NAV2: variants seen among roughly 807,000 people sequenced by gnomAD.
NAV2 encodes the protein helicase, APC down-regulated 1.
A neutral mutation model predicts 223.2 loss-of-function variants in NAV2; 54 were observed. The observed-to-expected ratio is 0.24, with a 90% confidence interval of 0.19 to 0.30. The LOEUF is 0.30. Among genes scored for constraint, NAV2 ranks in the 10% least tolerant of loss-of-function variants. The pLI is 1.00. For missense variants in NAV2, 2,806 were observed against 3,147.5 expected, an observed-to-expected ratio of 0.89 and a Z score of 2.60; for synonymous variants, 1,279 against 1,239.3, an observed-to-expected ratio of 1.03 and a Z score of -0.67.
intron 6 of NAV2, among the ~76,000 whole-genome samples, chr11:19,908,551 T>C (rs1463416780): frequency 6.6e-6 from 1 of 152,232 alleles, no homozygotes; most frequent in Non-Finnish European, 1.5e-5. Context: ...CTGTCTAATA[T>C]GGTAGCCACT....
chr11:19,659,117 G>A (rs2048205100), intron 1 of NAV2, among the ~76,000 whole-genome samples: 1 of 152,188 alleles, frequency 6.6e-6, no homozygotes, highest in Non-Finnish European at 1.5e-5. Flanking sequence ...AAATTTAAGT[G>A]TACAATTTCA....
chr11:19,587,582 A>G (rs1379959904), intron 1 of NAV2, among the ~76,000 whole-genome samples: 1 of 152,200 alleles, frequency 6.6e-6, no homozygotes, highest in African/African-American at 2.4e-5. Flanking sequence ...TGGTCCTCAT[A>G]GAAAACTCTT....
At chr11:19,706,937 T>A (rs925610167) in intron 1 of NAV2, among the ~76,000 whole-genome samples, 1 of 152,244 alleles carries the variant, frequency 6.6e-6, no homozygotes, top group African/African-American at 2.4e-5. Context: ...TACAAGCCTG[T>A]ATAGCATGTT....
At chr11:19,596,867 G>A (rs1274424777) in intron 1 of NAV2, among the ~76,000 whole-genome samples, 5 of 152,192 alleles carry the variant, frequency 3.3e-5, no homozygotes, top group Admixed American at 6.5e-5. Flanking sequence ...CAGGCTGTTC[G>A]TCTTTACGGC....
At chr11:19,771,850 G>A (rs2055745300) in intron 1 of NAV2, among the ~76,000 whole-genome samples, 1 of 152,132 alleles carries the variant, frequency 6.6e-6, no homozygotes, top group South Asian at 2.1e-4. Flanking sequence ...GTGACATTGT[G>A]TTTGCCCTCC....
chr11:19,457,314 G>A (rs1276879458), intron 1 of NAV2, among the ~76,000 whole-genome samples: 3 of 152,232 alleles, frequency 2.0e-5, no homozygotes, highest in Non-Finnish European at 1.5e-5. Flanking sequence ...TGGGTGGTCA[G>A]GGAACACATC....
chr11:19,516,180 C>T (rs1233815803), intron 1 of NAV2, among the ~76,000 whole-genome samples: 1 of 152,138 alleles, frequency 6.6e-6, no homozygotes, highest in African/African-American at 2.4e-5. Context: ...TAAGGGACTC[C>T]AAGAGCTGCA....
intron 1 of NAV2, among the ~76,000 whole-genome samples, chr11:19,369,086 C>T (rs940727197): frequency 7.2e-5 from 11 of 152,188 alleles, no homozygotes; most frequent in Non-Finnish European, 1.6e-4. Context: ...ATAGCAGAGC[C>T]GAGCTTCCTA....
intron 1 of NAV2, among the ~76,000 whole-genome samples, chr11:19,740,396 T>C (rs1412954795): frequency 2.0e-5 from 3 of 151,966 alleles, no homozygotes; most frequent in African/African-American, 7.3e-5. Flanking sequence ...CACTCCCTAA[T>C]CTCAAGTACC....
At chr11:19,377,295 C>T (rs539997387) in intron 1 of NAV2, among the ~76,000 whole-genome samples, 2 of 152,296 alleles carry the variant, frequency 1.3e-5, no homozygotes, top group Admixed American at 6.5e-5. Context: ...TGAGTACTTG[C>T]TATGGGGGCT....
intron 11 of NAV2, among the ~76,000 whole-genome samples, chr11:19,996,856 G>A (rs1464475963): frequency 1.3e-5 from 2 of 152,188 alleles, no homozygotes; most frequent in African/African-American, 4.8e-5. Context: ...CTGACATTTT[G>A]AGGGATGTTG....
At chr11:19,801,554 C>T (rs748488002) in intron 1 of NAV2, among the ~76,000 whole-genome samples, 9 of 152,168 alleles carry the variant, frequency 5.9e-5, no homozygotes, top group Non-Finnish European at 1.3e-4. Context: ...TCGGCCTCCA[C>T]CTGAAAGTGG....
intron 1 of NAV2, among the ~76,000 whole-genome samples, chr11:19,727,973 A>G (rs548356806): frequency 6.6e-6 from 1 of 152,248 alleles, no homozygotes; most frequent in African/African-American, 2.4e-5. Flanking sequence ...ATTTAACCCC[A>G]TTGAAACCAC....
chr11:19,518,199 A>G (rs1283492319), intron 1 of NAV2, among the ~76,000 whole-genome samples: 3 of 152,260 alleles, frequency 2.0e-5, no homozygotes, highest in African/African-American at 7.2e-5. Context: ...TCATTCAGTC[A>G]TTCAGCCATC....
chr11:19,496,666 T>C (rs1022307870), intron 1 of NAV2, among the ~76,000 whole-genome samples: 1 of 152,152 alleles, frequency 6.6e-6, no homozygotes, highest in Non-Finnish European at 1.5e-5. Context: ...CTGTTCAGGG[T>C]GAACAGTGCT....
rs866275131 is a variant in NAV2 at position 19,433,662 on chromosome 11, G to T, written c.75+82635G>T. On this transcript the variant is annotated intron_variant, in intron 1 of 37. Transcript: ENST00000360655. Reference sequence around the variant, plus strand: ...TTGTGAGCCAGCAACAGGCTTGCTTGTTGAAGAATGTTAGCTCCATGGGGA... The same window carrying T: ...TTGTGAGCCAGCAACAGGCTTGCTTTTTGAAGAATGTTAGCTCCATGGGGA... Among the ~76,000 whole-genome samples the T allele has an allele frequency of 4.6e-5, 7 of 152,356 alleles. No homozygotes were observed. In the South Asian group the frequency reaches 6.2e-4, roughly 14 times the overall value.
rs186228951 is a variant in NAV2 at position 19,580,149 on chromosome 11, G to A, written c.75+229122G>A. Among the ~76,000 whole-genome samples the A allele has an allele frequency of 1.5e-4, 23 of 152,120 alleles. No individual in the cohort carries two copies. In the East Asian group the frequency reaches 4.1e-3, roughly 27 times the overall value. On this transcript the variant is annotated intron_variant, in intron 1 of 37. Coordinates refer to the NAV2 transcript ENST00000360655. ...CCGGGGGGTGGGGCTTCCAGGGCTC[G>A]CTAATTTCTCTTTGCCAGGTGGCTG...
chr11:19,634,205 T>C lies in NAV2; in HGVS notation c.76-198279T>C, dbSNP rs1353152860. On this transcript the variant is annotated intron_variant, in intron 1 of 37. Transcript: ENST00000360655. ...CCACCACACTGCTCTCATACCCCCA[T>C]TGTCCTCAGCACACACATGTGAGGG... Among the ~76,000 whole-genome samples, 7 of 152,130 alleles carry C rather than the reference T, an allele frequency of 4.6e-5. No individual in the cohort carries two copies. In the East Asian group the frequency reaches 1.3e-3, roughly 29 times the overall value.
intron 11 of NAV2, among the ~76,000 whole-genome samples, chr11:20,011,269 A>T (rs1288606023): frequency 1.3e-5 from 2 of 152,076 alleles, no homozygotes; most frequent in African/African-American, 2.4e-5. Context: ...GTTTTTTTTT[A>T]AGCCTATGTT....
Sources: allele counts gnomAD v4.1 joint callset (sites outside exome capture counted in the v4.1 genomes callset), GRCh38; gene constraint gnomAD v4.1.1; transcripts MANE v1.5; gene names NCBI Gene and HGNC (gene_info 2026-07-23, HGNC 2026-07-21).